The following NRXN3 variants were observed in gnomAD, a reference collection of about 807,000 sequenced individuals.
NRXN3 encodes neurexin III.
In NRXN3, 32 loss-of-function variants were observed where a neutral mutation model predicts 137.6. The ratio of observed to expected loss-of-function variants is 0.23; its 90% CI spans 0.18 to 0.31. The LOEUF is 0.31. NRXN3 is among the 10% of genes least tolerant of loss of function. The pLI is 1.00. For synonymous variants in NRXN3, 798 were observed against 784.5 expected, an observed-to-expected ratio of 1.02 and a Z score of -0.29; for missense variants, 1,574 against 2,062.5, an observed-to-expected ratio of 0.76 and a Z score of 4.59.
At chr14:78,630,709 A>G (rs993477113) in intron 4 of NRXN3, among the ~76,000 whole-genome samples, 6 of 149,898 alleles carry the variant, frequency 4.0e-5, no homozygotes, top group Admixed American at 2.7e-4. Flanking sequence ...GGTTCACGCC[A>G]TTCTCCTGCC....
chr14:78,228,634 C>T (rs566214898), intron 1 of NRXN3, among the ~76,000 whole-genome samples: 58 of 152,262 alleles, frequency 3.8e-4, no homozygotes, highest in Middle Eastern at 3.4e-3. Context: ...TATTACCTCT[C>T]GCATTTTACA....
chr14:79,133,655 G>T (rs544607928), intron 15 of NRXN3, among the ~76,000 whole-genome samples: 1 of 152,292 alleles, frequency 6.6e-6, no homozygotes, highest in Admixed American at 6.5e-5. Context: ...GCCCAGCACG[G>T]TGGCTCATGC....
chr14:78,344,970 G>A (rs2082548393), intron 4 of NRXN3, among the ~76,000 whole-genome samples: 2 of 152,226 alleles, frequency 1.3e-5, no homozygotes, highest in South Asian at 4.1e-4. Context: ...GGTTCCACCA[G>A]TTCTTAGGAA....
intron 20 of NRXN3, among the ~76,000 whole-genome samples, chr14:79,816,087 T>C (rs2140937168): frequency 6.6e-6 from 1 of 152,336 alleles, no homozygotes; most frequent in African/African-American, 2.4e-5. Context: ...TAGTATTTTA[T>C]TTAAATCTCA....
intron 2 of NRXN3, among the ~76,000 whole-genome samples, chr14:78,244,170 C>T (rs891065848): frequency 1.3e-5 from 2 of 152,170 alleles, no homozygotes; most frequent in African/African-American, 4.8e-5. Flanking sequence ...TGGCTCACAC[C>T]TGTAATCCTA....
At chr14:78,549,100 ATGT>A (rs918537999) in intron 4 of NRXN3, among the ~76,000 whole-genome samples, 4 of 152,072 alleles carry the variant, frequency 2.6e-5, no homozygotes, top group African/African-American at 4.8e-5. Flanking sequence ...CAGTTTTTTC[ATGT>A]TGTTGTTTTG....
At chr14:79,170,570 C>T (rs2061681033) in intron 15 of NRXN3, among the ~76,000 whole-genome samples, 1 of 152,118 alleles carries the variant, frequency 6.6e-6, no homozygotes, top group Non-Finnish European at 1.5e-5. Flanking sequence ...TTATCCATCA[C>T]TGAATAACGT....
chr14:79,731,865 C>G (rs2098924845), intron 19 of NRXN3, among the ~76,000 whole-genome samples: 1 of 150,782 alleles, frequency 6.6e-6, no homozygotes, highest in Non-Finnish European at 1.5e-5. Flanking sequence ...TTAGCCACCT[C>G]AGTTACCTTG....
chr14:78,810,745 G>A (rs1418148967), intron 10 of NRXN3, among the ~76,000 whole-genome samples: 1 of 152,180 alleles, frequency 6.6e-6, no homozygotes, highest in East Asian at 1.9e-4. Flanking sequence ...GAAAATAAAA[G>A]CACTGTTCTT....
At chr14:79,035,031 G>A (rs376651248) in intron 15 of NRXN3, among the ~76,000 whole-genome samples, 86 of 152,196 alleles carry the variant, frequency 5.7e-4, no homozygotes, top group Middle Eastern at 3.4e-3. Flanking sequence ...GACTTAAATA[G>A]CACGTTAAAT....
intron 6 of NRXN3, chr14:78,703,803 G>A (rs1444041610): frequency 6.6e-6 from 1 of 152,230 alleles, no homozygotes; most frequent in Non-Finnish European, 1.5e-5. Context: ...ACCTGTGAGT[G>A]ACATGGTCTT....
intron 19 of NRXN3, among the ~76,000 whole-genome samples, chr14:79,740,540 T>C (rs2098957434): frequency 1.3e-5 from 2 of 151,300 alleles, no homozygotes; most frequent in African/African-American, 4.9e-5. Context: ...TGTATCTCCT[T>C]ACCTTTACTC....
intron 8 of NRXN3, among the ~76,000 whole-genome samples, chr14:78,721,409 G>A (rs1304227295): frequency 2.0e-5 from 3 of 152,048 alleles, no homozygotes; most frequent in Non-Finnish European, 1.5e-5. Flanking sequence ...TGGGTTTCAC[G>A]CTCTCTCAGG....
chr14:78,231,126 G>A (rs2065335855), intron 1 of NRXN3, among the ~76,000 whole-genome samples: 1 of 152,168 alleles, frequency 6.6e-6, no homozygotes, highest in Non-Finnish European at 1.5e-5. Context: ...GGTAGAGGAG[G>A]AGAGATGGTA....
At chr14:79,764,321 C>T (rs1861088) in intron 19 of NRXN3, among the ~76,000 whole-genome samples, 79,901 of 151,842 alleles carry the variant, frequency 0.53, 21,557 homozygotes, top group Middle Eastern at 0.65. Context: ...AAGGAGAATC[C>T]ACTGAGAAAA....
chr14:78,272,636 T>C lies in NRXN3; in HGVS notation c.710-6009T>C, dbSNP rs1390298225. Among the ~76,000 whole-genome samples, 4 of 152,328 alleles carry C rather than the reference T, an allele frequency of 2.6e-5. No homozygotes were observed. The South Asian group carries it at 8.3e-4, about 32-fold the overall frequency. ...CCTTGAAATACCTTTTTCTTACTTCTGTGAGATGCCCAATATTCTCATACC... is the reference window on the plus strand; with the variant it reads ...CCTTGAAATACCTTTTTCTTACTTCCGTGAGATGCCCAATATTCTCATACC... On this transcript the variant is annotated intron_variant, in intron 2 of 20. Transcript: ENST00000335750.
rs560574186 is a variant in NRXN3 at position 79,572,785 on chromosome 14, A to C, written c.3445-90993A>C. On this transcript the variant is annotated intron_variant, in intron 16 of 20. Transcript: ENST00000335750. ...CATAATATAAATATGTACAAAGACA[A>C]GGTGTAGCATAGAAGGCAGATGAAT... 11 of 152,350 alleles carry C rather than the reference A, an allele frequency of 7.2e-5. No individual in the cohort carries two copies. The East Asian group carries it at 2.1e-3, about 29-fold the overall frequency. 9.4% of individuals were successfully genotyped at this position (152,350 alleles called of 1,614,324 possible).
intron 10 of NRXN3, among the ~76,000 whole-genome samples, chr14:78,814,215 A>G (rs1341841322): frequency 1.3e-5 from 2 of 152,214 alleles, no homozygotes; most frequent in Non-Finnish European, 2.9e-5. Context: ...AATACACTTA[A>G]TACATATAGT....
At chr14:78,220,958 A>T (rs1467437038) in intron 1 of NRXN3, among the ~76,000 whole-genome samples, 1 of 152,126 alleles carries the variant, frequency 6.6e-6, no homozygotes, top group Non-Finnish European at 1.5e-5. Flanking sequence ...AGAAGGGAGC[A>T]TATTGGGGAA....
Sources: gnomAD v4.1 joint callset for allele counts (sites outside exome capture counted in the v4.1 genomes callset) on GRCh38, gnomAD v4.1.1 for gene constraint, MANE v1.5 for transcripts, NCBI Gene and HGNC (gene_info 2026-07-23, HGNC 2026-07-21) for gene names.